FZD3: variants seen among roughly 807,000 people sequenced by gnomAD.
FZD3 encodes the protein frizzled class receptor 3, also known as frizzled-3.
FZD3 carries 30 observed loss-of-function variants against 60.7 expected under a neutral mutation model. The observed-to-expected ratio is 0.49, with a 90% CI of 0.37 to 0.67. The LOEUF is 0.67. Among genes scored for constraint, FZD3 ranks in the 30% least tolerant of loss-of-function variants. FZD3 has a pLI of 0.00. For missense variants in FZD3, 605 were observed against 838.7 expected (o/e 0.72, Z 3.44); for synonymous variants, 246 against 275.2 (o/e 0.89, Z 1.05).
intron 5 of FZD3, among the ~76,000 whole-genome samples, chr8:28,543,338 C>T (rs906124396): frequency 6.7e-6 from 1 of 149,822 alleles, no homozygotes; most frequent in African/African-American, 2.4e-5. Context: ...TTGAAGTCTG[C>T]TTCCCAGCTC....
intron 4 of FZD3, among the ~76,000 whole-genome samples, chr8:28,523,967 A>G (rs576109329): frequency 1.3e-5 from 2 of 151,494 alleles, no homozygotes; most frequent in African/African-American, 2.4e-5. Flanking sequence ...CTGGCCCCAC[A>G]TCCTCTCTCT....
rs1379502072 is a variant in FZD3 at position 28,566,147 on chromosome 8, C to A, written c.*3136C>A. 6.6e-6 allele frequency: 1 copy of A among 152,148 alleles called. No individual in the cohort carries two copies. The highest frequency in any genetic ancestry group is 2.4e-5 in the African/African-American group (1 of 41,444). The allele number at this position is 152,148 out of a possible 1,614,324, so 9.4% of individuals were successfully genotyped here. A position where few individuals can be genotyped will look rare whatever the true frequency, so the allele number is the denominator to read the frequency against. On this transcript the variant is annotated 3_prime_UTR_variant, in exon 8 of 8. Coordinates refer to ENST00000240093, the MANE Select transcript of FZD3 (RefSeq NM_017412.4). ...CACACAACTTGCTTTTACCCTAGTA[C>A]TGAGTCTCACATCAAAGAAATTTGA...
chr8:28,526,085 G>A (rs1346285175), intron 4 of FZD3, among the ~76,000 whole-genome samples: 1 of 107,162 alleles, frequency 9.3e-6, no homozygotes, highest in Non-Finnish European at 2.0e-5. Context: ...AAGTGTATAT[G>A]TTGAGTTGGC....
intron 3 of FZD3, among the ~76,000 whole-genome samples, chr8:28,507,523 C>G (rs1804172115): frequency 1.3e-5 from 2 of 152,130 alleles, no homozygotes; most frequent in Admixed American, 1.3e-4. Context: ...ATTTCCTAGA[C>G]CAATAGTTTT....
At chr8:28,495,255 G>C (rs903690184) in intron 1 of FZD3, among the ~76,000 whole-genome samples, 1 of 152,164 alleles carries the variant, frequency 6.6e-6, no homozygotes, top group East Asian at 1.9e-4. Flanking sequence ...GTAGATTTCA[G>C]ATTTAGAGAG....
At chr8:28,503,483 T>A (rs1307744262) in intron 3 of FZD3, among the ~76,000 whole-genome samples, 1 of 152,214 alleles carries the variant, frequency 6.6e-6, no homozygotes, top group South Asian at 2.1e-4. Context: ...GTTTAAAATT[T>A]AAGAATAACT....
At chr8:28,550,481 CTTTTTTT>C (rs386412443) in intron 5 of FZD3, among the ~76,000 whole-genome samples, 4 of 34,336 alleles carry the variant, frequency 1.2e-4, no homozygotes, top group African/African-American at 1.3e-4. Context: ...CTTCTTTTAT[CTTTTTTT>C]TTTTTTTTTT....
At chr8:28,519,985 G>A (rs1364087033) in intron 3 of FZD3, among the ~76,000 whole-genome samples, 5 of 151,944 alleles carry the variant, frequency 3.3e-5, no homozygotes, top group Non-Finnish European at 5.9e-5. Flanking sequence ...TGAGGCAGAC[G>A]GATCACTTGA....
In FZD3 at chr8:28,546,933, G is replaced by GC. The variant is rs35749145; in HGVS notation, c.1405-4669dup. Among the ~76,000 whole-genome samples, 709 of 150,598 alleles carry GC rather than the reference G, an allele frequency of 4.7e-3. 24 individuals carry two copies. In the East Asian group the frequency reaches 0.091, roughly 19 times the overall value. On this transcript the variant is annotated intron_variant, in intron 5 of 7. Transcript: ENST00000240093. ...TGCAGTGAGCCGAGATCGTGCCACT[G>GC]CACTCCAGCCTGGGCGACAGAGCGA...
Position 28,527,110 on chromosome 8 carries a change from T to C in FZD3, c.387-37T>C, listed in dbSNP as rs570918821. 4.4e-5 allele frequency: 67 copies of C among 1,534,402 alleles called. No individual in the cohort carries two copies. The South Asian group carries it at 7.9e-4, about 18-fold the overall frequency. The stretch of plus-strand genomic sequence containing the variant: ...TGTTAGATCGTGATAGATTTCCCCA[T>C]AAGTAAAAATAGTTCTCATCTTGTT... On this transcript the variant is annotated intron_variant, in intron 4 of 7. Coordinates refer to ENST00000240093, the MANE Select transcript of FZD3 (RefSeq NM_017412.4). This position sits in a 1 kb window ranked among gnomAD's most constrained non-coding sequence, Gnocchi z 5.0.
intron 3 of FZD3, among the ~76,000 whole-genome samples, chr8:28,507,745 G>A (rs1376359564): frequency 6.6e-6 from 1 of 150,546 alleles, no homozygotes; most frequent in African/African-American, 2.4e-5. Flanking sequence ...ACCAGTGAGG[G>A]TTTTTGTTTT....
chr8:28,546,928 C>T (rs1199016969), intron 5 of FZD3, among the ~76,000 whole-genome samples: 3 of 144,942 alleles, frequency 2.1e-5, no homozygotes, highest in African/African-American at 7.4e-5. Flanking sequence ...CGAGATCGTG[C>T]CACTGCACTC....
At position 28,520,496 on chromosome 8, in the gene FZD3, A is replaced by G. The variant is rs559338373; in HGVS notation, c.190-142A>G. Reference sequence around the variant, plus strand: ...GGTAGGGCTAGGACAGTTTTGTTTAAAAAAACAAAAACTCCCCTTCAGAAA... The same window carrying G: ...GGTAGGGCTAGGACAGTTTTGTTTAGAAAAACAAAAACTCCCCTTCAGAAA... On this transcript the variant is annotated intron_variant, in intron 3 of 7. Transcript: ENST00000240093. 4.4e-5 allele frequency: 23 copies of G among 528,352 alleles called. No individual in the cohort carries two copies. The East Asian group carries it at 5.6e-4, about 13-fold the overall frequency. 32.7% of individuals were successfully genotyped at this position (528,352 alleles called of 1,614,324 possible).
At position 28,568,491 on chromosome 8, in the gene FZD3, C is replaced by T. The variant is rs941810876; in HGVS notation, c.*5480C>T. On this transcript the variant is annotated 3_prime_UTR_variant, in exon 8 of 8. Coordinates refer to ENST00000240093, the MANE Select transcript of FZD3 (RefSeq NM_017412.4). Reference sequence around the variant, plus strand: ...AATCTTAATCCTGTGCTTCTTTAGTCATCAAATTGATATAGGATTACAATT... The same window carrying T: ...AATCTTAATCCTGTGCTTCTTTAGTTATCAAATTGATATAGGATTACAATT... 5 of 152,008 alleles carry T rather than the reference C, an allele frequency of 3.3e-5. No homozygotes were observed. Among genetic ancestry groups the T allele is most frequent in the Non-Finnish European group, 5.9e-5 (4 of 67,968 alleles). 9.4% of individuals were successfully genotyped at this position (152,008 alleles called of 1,614,324 possible). A position where few individuals can be genotyped will look rare whatever the true frequency, so the allele number is the denominator to read the frequency against.
intron 5 of FZD3, among the ~76,000 whole-genome samples, chr8:28,538,725 C>T (rs1015090373): frequency 6.6e-6 from 1 of 151,994 alleles, no homozygotes; most frequent in Non-Finnish European, 1.5e-5. Flanking sequence ...ATTGAATAAT[C>T]TGTAGGGGTT....
chr8:28,526,617 C>G (rs1804720670), intron 4 of FZD3, among the ~76,000 whole-genome samples: 1 of 151,994 alleles, frequency 6.6e-6, no homozygotes. Context: ...TACTTGATTG[C>G]AATACATTCT....
intron 4 of FZD3, among the ~76,000 whole-genome samples, chr8:28,522,962 G>T (rs1284325391): frequency 6.6e-6 from 1 of 151,802 alleles, no homozygotes; most frequent in Non-Finnish European, 1.5e-5. Flanking sequence ...TAGAGACGGG[G>T]TTTCACCACG....
At chr8:28,524,468 A>G (rs1320870980) in intron 4 of FZD3, among the ~76,000 whole-genome samples, 2 of 152,234 alleles carry the variant, frequency 1.3e-5, no homozygotes, top group African/African-American at 4.8e-5. Context: ...CCAAATCTGT[A>G]TCACTTAACT....
At chr8:28,554,029 T>C (rs1042784893) in intron 6 of FZD3, among the ~76,000 whole-genome samples, 1 of 152,238 alleles carries the variant, frequency 6.6e-6, no homozygotes. Flanking sequence ...AGAGCTTTGC[T>C]CTTAACTACT....
Sources: allele counts gnomAD v4.1 joint callset (sites outside exome capture counted in the v4.1 genomes callset), GRCh38; gene constraint gnomAD v4.1.1; non-coding constraint Gnocchi (gnomAD v3.1); transcripts MANE v1.5; gene names NCBI Gene and HGNC (gene_info 2026-07-23, HGNC 2026-07-21).